Variants in TAF5 observed in about 807,000 individuals in gnomAD.
The protein encoded by TAF5 is transcription initiation factor TFIID subunit 5.
A neutral mutation model predicts 80.9 loss-of-function variants in TAF5; 20 were observed. That is an observed-to-expected ratio of 0.25 (90% CI 0.17 to 0.36). The LOEUF is 0.36. Among genes scored for constraint, TAF5 ranks in the 10% least tolerant of loss-of-function variants. The probability of loss-of-function intolerance (pLI) is 1.00; values close to 1 mark genes in which losing one functional copy is unlikely to be tolerated. For synonymous variants in TAF5, 388 were observed against 406.4 expected (o/e 0.95, Z 0.55); for missense variants, 863 against 1,029.4 (o/e 0.84, Z 2.21).
At chr10:103,380,802 G>A (rs1257570790) in intron 5 of TAF5, among the ~76,000 whole-genome samples, 4 of 151,768 alleles carry the variant, frequency 2.6e-5, no homozygotes, top group South Asian at 2.1e-4. Context: ...TGTATTTTTA[G>A]TAGAGACAGG....
At chr10:103,387,130 C>T (rs2093398584) in intron 8 of TAF5, 45 bp from the exon 9 acceptor site, 8 of 1,560,170 alleles carry the variant, frequency 5.1e-6, no homozygotes, top group Non-Finnish European at 7.0e-6. Flanking sequence ...CGTTTCACAG[C>T]TATCTACTAA....
At chr10:103,379,492 AC>A (rs2093377223) in intron 3 of TAF5, 115 bp from the exon 4 acceptor site, 1 of 955,220 alleles carries the variant, frequency 1.0e-6, no homozygotes, top group Admixed American at 3.2e-5. Flanking sequence ...CAAATACAGA[AC>A]CCTGCTTCAG....
In TAF5 at chr10:103,368,425, G is replaced by T. The variant is rs764077799; in HGVS notation, c.436G>T (p.Ala146Ser). 4.4e-6 allele frequency: 7 copies of T among 1,576,756 alleles called. No homozygotes were observed. In the South Asian group the frequency reaches 6.8e-5, roughly 15 times the overall value. The change falls in exon 1 of 11, where the codon GCG becomes TCG. Residue 146 changes from alanine to serine, a missense_variant. Ala to Ser is a moderately conservative substitution (Grantham distance 99, BLOSUM62 1). Coordinates refer to ENST00000369839, the MANE Select transcript of TAF5 (RefSeq NM_006951.5). ...VDSAGAEVTS[A>S]LLSRVTASAP... is the part of the protein sequence containing the mutation. ...CAGCGCCGGCGCTGAGGTGACCAGCGCGCTTCTCAGCCGGGTGACCGCCTC... is the reference window on the plus strand; with the variant it reads ...CAGCGCCGGCGCTGAGGTGACCAGCTCGCTTCTCAGCCGGGTGACCGCCTC...
chr10:103,380,080 T>C, intron 5 of TAF5, 61 bp downstream of exon 5: 1 of 1,531,112 alleles, frequency 6.5e-7, no homozygotes, highest in East Asian at 2.3e-5. Flanking sequence ...GATTTACCAT[T>C]AAGAGAGAAA....
intron 1 of TAF5, among the ~76,000 whole-genome samples, chr10:103,371,343 C>G (rs574112267): frequency 2.0e-5 from 3 of 152,028 alleles, no homozygotes; most frequent in African/African-American, 7.2e-5. Flanking sequence ...GCTGTAATCT[C>G]AGATCTCTTC....
chr10:103,371,874 C>T (rs1488123131), intron 1 of TAF5, among the ~76,000 whole-genome samples: 1 of 151,644 alleles, frequency 6.6e-6, no homozygotes, highest in Non-Finnish European at 1.5e-5. Flanking sequence ...TTGATTTGCA[C>T]ATATCTTTTA....
chr10:103,383,059 T>C (rs758546073), intron 6 of TAF5, among the ~76,000 whole-genome samples, 179 bp from the exon 7 acceptor site: 19 of 152,244 alleles, frequency 1.2e-4, no homozygotes, highest in Non-Finnish European at 2.5e-4. Context: ...GTTCTGAACG[T>C]CATTTTCTTC....
At chr10:103,382,604 A>G (rs1222985628) in intron 6 of TAF5, among the ~76,000 whole-genome samples, 1 of 151,772 alleles carries the variant, frequency 6.6e-6, no homozygotes, top group East Asian at 1.9e-4. Context: ...TAAATAAAAC[A>G]ATATATTTTA....
At chr10:103,371,387 A>C (rs191472185) in intron 1 of TAF5, among the ~76,000 whole-genome samples, 90 of 152,322 alleles carry the variant, frequency 5.9e-4, no homozygotes, top group Admixed American at 3.1e-3. Flanking sequence ...CATAACTGAG[A>C]AATCAGTAAG....
intron 8 of TAF5, among the ~76,000 whole-genome samples, chr10:103,386,701 T>C (rs2093397184): frequency 6.7e-6 from 1 of 150,180 alleles, no homozygotes; most frequent in African/African-American, 2.4e-5. Flanking sequence ...TCTCGCTCTG[T>C]TACCCAGGCT....
At chr10:103,375,487 T>A (rs2133627038) in intron 2 of TAF5, among the ~76,000 whole-genome samples, 1 of 152,170 alleles carries the variant, frequency 6.6e-6, no homozygotes, top group African/African-American at 2.4e-5. Context: ...TAATTTTGAG[T>A]TCTGATTTGA....
chr10:103,387,471 G>A (rs761549521), intron 9 of TAF5, 50 bp from the exon 10 acceptor site: 2 of 1,556,010 alleles, frequency 1.3e-6, no homozygotes, highest in South Asian at 2.4e-5. Flanking sequence ...TTAAAATTTT[G>A]TCTTATTTTC....
rs1037073147 is a variant in TAF5 at position 103,368,454 on chromosome 10, C to T, written c.465C>T (p.Ala155=). ...TTCTCAGCCGGGTGACCGCCTCGGC[C>T]CCTGGCCCTGCGGCCCCCGACCCTC... ...SALLSRVTAS[A]PGPAAPDPPG... is the part of the protein sequence containing the mutation. The change falls in exon 1 of 11, where the codon GCC becomes GCT. Residue 155 remains alanine, a synonymous_variant. Transcript: ENST00000369839. The T allele has an allele frequency of 1.3e-6, 2 of 1,583,516 alleles. No individual in the cohort carries two copies. The highest frequency in any genetic ancestry group is 1.7e-5 in the Admixed American group (1 of 58,368).
chr10:103,383,287 G>A lies in TAF5; in HGVS notation c.1584G>A (p.Met528Ile), dbSNP rs201620768. ...CAGATGATGTCTTAGAAAGAATCAT[G>A]GATGAGAAAACAGCAAGTGAGTTGA... ...KESDDVLERI[M>I]DEKTASELKI... Residue 528 changes from methionine (M) to isoleucine (I), a missense_variant, in exon 7 of 11, where the codon ATG (methionine) becomes ATA (isoleucine). Met to Ile is a conservative substitution (Grantham distance 10, BLOSUM62 1). This residue lies in a region of TAF5 where 368 missense variants were observed against 461.7 expected (regional missense o/e 0.80). Transcript: ENST00000369839. The A allele has an allele frequency of 8.7e-5, 139 of 1,606,486 alleles. No homozygotes were observed. The highest frequency in any genetic ancestry group is 1.2e-4 in the Non-Finnish European group (137 of 1,177,968).
chr10:103,368,238 C>G lies in TAF5; in HGVS notation c.249C>G (p.Ala83=). The change falls in exon 1 of 11, where the codon GCC becomes GCG. Residue 83 remains alanine, a synonymous_variant. Coordinates refer to ENST00000369839, the MANE Select transcript of TAF5 (RefSeq NM_006951.5). ...CGGCGGGGGCGGCCCCGGTGCCCGC[C>G]GCTGCTCCGGACGCCGGCGCTCCGC... ...AAPAGAAPVP[A]AAPDAGAPHD... The G allele has an allele frequency of 6.8e-7, 1 of 1,480,628 alleles. No individual in the cohort carries two copies. Among genetic ancestry groups the G allele is most frequent in the East Asian group, 2.7e-5 (1 of 36,410 alleles). 91.7% of individuals were successfully genotyped at this position (1,480,628 alleles called of 1,614,324 possible). A position where few individuals can be genotyped will look rare whatever the true frequency, so the allele number is the denominator to read the frequency against.
intron 1 of TAF5, among the ~76,000 whole-genome samples, chr10:103,371,261 G>A (rs867899166): frequency 2.7e-5 from 4 of 149,070 alleles, no homozygotes; most frequent in African/African-American, 7.4e-5. Context: ...AAAAAAAAAA[G>A]AGAGAGGAAT....
In TAF5 at chr10:103,368,499, G is replaced by T; in HGVS notation, c.510G>T (p.Gly170=). 1 of 1,570,846 alleles carries T rather than the reference G, an allele frequency of 6.4e-7. No homozygotes were observed. Among genetic ancestry groups the T allele is most frequent in the Non-Finnish European group, 8.6e-7 (1 of 1,168,086 alleles). ...ACCCTCCGGGCACTGGCGCTTCGGG[G>T]GCCACGGTCGTCTCAGGTTCAGCCT... ...APDPPGTGAS[G]ATVVSGSASG... The change falls in exon 1 of 11, where the codon GGG becomes GGT. Residue 170 remains glycine, a synonymous_variant. Coordinates refer to ENST00000369839, the MANE Select transcript of TAF5 (RefSeq NM_006951.5).
rs1463034539 is a variant in TAF5 at position 103,368,422 on chromosome 10, A to G, written c.433A>G (p.Ser145Gly). ...EVDSAGAEVTSALLSRVTASA... is the reference protein window; with the variant it reads ...EVDSAGAEVTGALLSRVTASA... ...GGACAGCGCCGGCGCTGAGGTGACC[A>G]GCGCGCTTCTCAGCCGGGTGACCGC... The change falls in exon 1 of 11, where the codon AGC becomes GGC. Residue 145 changes from serine to glycine, a missense_variant. By Grantham distance (56) the Ser-to-Gly change is moderately conservative. Around this residue, in one of 3 missense-constraint regions of TAF5, gnomAD observed 367 missense variants for 335.5 expected, o/e 1.09. Transcript: ENST00000369839. 10 of 1,527,036 alleles carry G rather than the reference A, an allele frequency of 6.5e-6. No individual in the cohort carries two copies. In the Admixed American group the frequency reaches 1.8e-4, roughly 28 times the overall value. The allele number at this position is 1,527,036 out of a possible 1,614,324, so 94.6% of individuals were successfully genotyped here. A position where few individuals can be genotyped will look rare whatever the true frequency, so the allele number is the denominator to read the frequency against.
rs1359104146 is a variant in TAF5 at position 103,388,403 on chromosome 10, A to T, written c.*180A>T. 10 of 562,856 alleles carry T rather than the reference A, an allele frequency of 1.8e-5. No homozygotes were observed. In the South Asian group the frequency reaches 2.4e-4, roughly 13 times the overall value. The allele number at this position is 562,856 out of a possible 1,614,324, so 34.9% of individuals were successfully genotyped here. On this transcript the variant is annotated 3_prime_UTR_variant, in exon 11 of 11. Coordinates refer to ENST00000369839, the MANE Select transcript of TAF5 (RefSeq NM_006951.5). ...CACGTTTCTATAGCAACCACATTTG[A>T]CTAATTTCCGTTAGTTGAATAAGAG...
Sources: gnomAD v4.1 joint callset for allele counts (sites outside exome capture counted in the v4.1 genomes callset) on GRCh38, gnomAD v4.1.1 for gene constraint, gnomAD v4.1.1 regional missense constraint, MANE v1.5 for transcripts, NCBI Gene and HGNC (gene_info 2026-07-23, HGNC 2026-07-21) for gene names.